NPM1: variants seen among roughly 807,000 people sequenced by gnomAD.
NPM1 encodes the protein nucleophosmin.
In NPM1, 1 loss-of-function variant was observed where a neutral mutation model predicts 44.1. The observed-to-expected ratio is 0.02, with a 90% confidence interval of 0.01 to 0.11. NPM1 has a LOEUF of 0.11. Ranked by LOEUF, NPM1 falls within the 10% of genes least tolerant of loss-of-function variation. The pLI is 1.00. For missense variants in NPM1, 197 were observed against 347.8 expected (o/e 0.57, Z 3.45); for synonymous variants, 126 against 111.8 (o/e 1.13, Z -0.80).
At chr5:171,406,669 A>G (rs971392822) in intron 9 of NPM1, 13 of 1,284,740 alleles carry the variant, frequency 1.0e-5, no homozygotes, top group Middle Eastern at 2.9e-4. Flanking sequence ...CTCACCTGAC[A>G]ATGTTTTAAA....
At position 171,405,370 on chromosome 5, in the gene NPM1, C is replaced by T. The variant is rs773255144; in HGVS notation, c.738C>T (p.Asp246=). 1.5e-5 allele frequency: 23 copies of T among 1,585,924 alleles called. No homozygotes were observed. The highest frequency in any genetic ancestry group is 4.5e-5 in the East Asian group (2 of 44,736). The change falls in exon 9 of 11, where the codon GAC becomes GAT. Residue 246 remains aspartate (D), a synonymous_variant. Coordinates refer to ENST00000296930, the MANE Select transcript of NPM1 (RefSeq NM_002520.7). ...CAAAAGGACCTAGTTCTGTAGAAGA[C>T]ATTAAAGCAAAAATGCAAGCAAGTA... ...KTPKGPSSVE[D]IKAKMQASIE... is the part of the protein sequence containing the mutation.
chr5:171,405,177 C>T (rs1771496439), intron 8 of NPM1, 125 bp from the exon 9 acceptor site: 2 of 615,260 alleles, frequency 3.3e-6, no homozygotes, highest in Non-Finnish European at 5.8e-6. Context: ...GATGATAATT[C>T]CAGTTGTATA....
intron 8 of NPM1, among the ~76,000 whole-genome samples, chr5:171,405,005 A>G (rs560788794): frequency 3.3e-5 from 5 of 152,214 alleles, no homozygotes; most frequent in East Asian, 3.9e-4. Flanking sequence ...TGGTATGATC[A>G]TAGCTCACTA....
chr5:171,389,287 C>T (rs1206935257), intron 1 of NPM1, among the ~76,000 whole-genome samples: 2 of 152,154 alleles, frequency 1.3e-5, no homozygotes, highest in African/African-American at 4.8e-5. Context: ...CACATTTAAG[C>T]ATGTATATGT....
At position 171,391,691 on chromosome 5, in the gene NPM1, A is replaced by C; in HGVS notation, c.259-15A>C. 1 of 1,559,552 alleles carries C rather than the reference A, an allele frequency of 6.4e-7. No homozygotes were observed. On this transcript the variant is annotated splice_polypyrimidine_tract_variant and intron_variant, in intron 3 of 10. Coordinates refer to ENST00000296930, the MANE Select transcript of NPM1 (RefSeq NM_002520.7). Reference sequence around the variant, plus strand: ...TTCTTCACATGTTTAGTGATGAAAAATTTCTCCCTTCTAGGTTTCCCTTGG... The same window carrying C: ...TTCTTCACATGTTTAGTGATGAAAACTTTCTCCCTTCTAGGTTTCCCTTGG...
At chr5:171,388,278 C>T (rs948338656) in intron 1 of NPM1, among the ~76,000 whole-genome samples, 3 of 152,160 alleles carry the variant, frequency 2.0e-5, no homozygotes, top group South Asian at 4.1e-4. Context: ...AAAGTGGAAC[C>T]GGCCGCCTGG....
At position 171,405,365 on chromosome 5, in the gene NPM1, G is replaced by C. The variant is rs143209617; in HGVS notation, c.733G>C (p.Glu245Gln). Residue 245 changes from glutamate to glutamine, a missense_variant, in exon 9 of 11, where the codon GAA (glutamate) becomes CAA (glutamine). Physicochemically the swap from Glu to Gln is conservative, Grantham distance 29. Around this residue, in one of 5 missense-constraint regions of NPM1, gnomAD observed 47 missense variants for 106.5 expected, o/e 0.44. Coordinates refer to ENST00000296930, the MANE Select transcript of NPM1 (RefSeq NM_002520.7). ...PKTPKGPSSV[E>Q]DIKAKMQASI... ...AACACCAAAAGGACCTAGTTCTGTAGAAGACATTAAAGCAAAAATGCAAGC... is the reference window on the plus strand; with the variant it reads ...AACACCAAAAGGACCTAGTTCTGTACAAGACATTAAAGCAAAAATGCAAGC... 1.0e-4 allele frequency: 160 copies of C among 1,594,932 alleles called. No homozygotes were observed. In the East Asian group the frequency reaches 1.9e-3, roughly 19 times the overall value.
chr5:171,391,935 G>T, intron 4 of NPM1, 136 bp downstream of exon 4: 1 of 447,396 alleles, frequency 2.2e-6, no homozygotes, highest in Non-Finnish European at 4.0e-6. Flanking sequence ...AGAAATTGGA[G>T]AGGACAAATA....
At chr5:171,388,078 G>GTGGGGGGGGGGGTGGGGGGGGGC in intron 1 of NPM1, 72 bp downstream of exon 1, 5 of 616,744 alleles carry the variant, frequency 8.1e-6, no homozygotes, top group Admixed American at 2.0e-5. Flanking sequence ...TGAGGGGCGG[G>GTGGGGGGGGGGGTGGGGGGGGGC]AATCCGGCTG....
chr5:171,409,446 A>G (rs1173097067), intron 10 of NPM1, among the ~76,000 whole-genome samples: 1 of 152,072 alleles, frequency 6.6e-6, no homozygotes, highest in Non-Finnish European at 1.5e-5. Context: ...CACCTACTCA[A>G]GAGGCGGAGG....
intron 1 of NPM1, among the ~76,000 whole-genome samples, chr5:171,388,953 T>G (rs895764461): frequency 3.3e-5 from 5 of 152,212 alleles, no homozygotes; most frequent in African/African-American, 1.2e-4. Flanking sequence ...TAATGAGGCT[T>G]CGTTTTAGGG....
intron 8 of NPM1, among the ~76,000 whole-genome samples, chr5:171,404,468 C>T (rs528369641): frequency 1.1e-4 from 9 of 82,868 alleles, no homozygotes; most frequent in African/African-American, 4.0e-4. Context: ...GGGTCTCGGC[C>T]GGGCAGAGGC....
In NPM1 at chr5:171,404,190, C is replaced by T. The variant is rs1259833977; in HGVS notation, c.670-1112C>T. Among the ~76,000 whole-genome samples, 6 of 101,934 alleles carry T rather than the reference C, an allele frequency of 5.9e-5. 2 individuals are homozygous for T. The highest frequency in any genetic ancestry group is 2.0e-4 in the African/African-American group (5 of 25,568). The allele number at this position is 101,934 out of a possible 152,430, so 66.9% of individuals were successfully genotyped here. A position where few individuals can be genotyped will look rare whatever the true frequency, so the allele number is the denominator to read the frequency against. ...GGCTGGCCGGTCGGGGGGGCTGACC[C>T]CCCACCTCCCTCCCAGATAGGGCGG... On this transcript the variant is annotated intron_variant, in intron 8 of 10. Transcript: ENST00000296930.
chr5:171,407,486 ACCCTTTGG>A, intron 9 of NPM1: 1 of 551,494 alleles, frequency 1.8e-6, no homozygotes, highest in East Asian at 3.2e-5. Context: ...GGAAGATTTG[ACCCTTTGG>A]CAAATCTGTT....
chr5:171,387,740 G>T, upstream of NPM1: 1 of 596,414 alleles, frequency 1.7e-6, no homozygotes, highest in East Asian at 2.9e-5. Flanking sequence ...TGCGCAGGAC[G>T]GCTACGGTAC....
At chr5:171,393,440 A>G (rs1194124543) in intron 6 of NPM1, among the ~76,000 whole-genome samples, 1 of 152,238 alleles carries the variant, frequency 6.6e-6, no homozygotes, top group Admixed American at 6.5e-5. Flanking sequence ...ATATTTATTG[A>G]CAAAAATAAG....
chr5:171,390,541 G>T (rs1266880821), intron 2 of NPM1, among the ~76,000 whole-genome samples: 2 of 152,128 alleles, frequency 1.3e-5, no homozygotes, highest in Non-Finnish European at 2.9e-5. Context: ...GATTTGCCAA[G>T]ATCACAAAAC....
Position 171,387,874 on chromosome 5 carries a change from C to T in NPM1, c.-75C>T, listed in dbSNP as rs28411385. 28 of 1,363,772 alleles carry T rather than the reference C, an allele frequency of 2.1e-5. No homozygotes were observed. Among genetic ancestry groups the T allele is most frequent in the East Asian group, 1.8e-4 (8 of 43,590 alleles). 84.5% of individuals were successfully genotyped at this position (1,363,772 alleles called of 1,614,324 possible). ...CTTTCCCTGGTGTGATTCCGTCCTGCGCGGTTGTTCTCTGGAGCAGCGTTC... is the reference window on the plus strand; with the variant it reads ...CTTTCCCTGGTGTGATTCCGTCCTGTGCGGTTGTTCTCTGGAGCAGCGTTC... On this transcript the variant is annotated 5_prime_UTR_variant, in exon 1 of 11. Transcript: ENST00000296930.
intron 6 of NPM1, among the ~76,000 whole-genome samples, chr5:171,399,779 T>G (rs1333771340): frequency 6.6e-6 from 1 of 152,166 alleles, no homozygotes; most frequent in Non-Finnish European, 1.5e-5. Context: ...ATAGTGTGTA[T>G]TTATGCAAAA....
Sources: gnomAD v4.1 joint callset for allele counts (sites outside exome capture counted in the v4.1 genomes callset) on GRCh38, gnomAD v4.1.1 for gene constraint, gnomAD v4.1.1 regional missense constraint, MANE v1.5 for transcripts, NCBI Gene and HGNC (gene_info 2026-07-23, HGNC 2026-07-21) for gene names.